The following ELL2 variants were observed in gnomAD, a reference collection of about 807,000 sequenced individuals.
ELL2 encodes elongation factor for RNA polymerase II 2, also known as RNA polymerase II elongation factor ELL2.
In ELL2, 21 loss-of-function variants were observed where a neutral mutation model predicts 72.8. That is an observed-to-expected ratio of 0.29 (90% CI 0.20 to 0.42). The LOEUF is 0.42. Among genes scored for constraint, ELL2 ranks in the 10% least tolerant of loss-of-function variants. The pLI is 1.00. For synonymous variants in ELL2, 266 were observed against 283.2 expected, an observed-to-expected ratio of 0.94 and a Z score of 0.61; for missense variants, 568 against 772.8, an observed-to-expected ratio of 0.73 and a Z score of 3.14.
Position 95,887,322 on chromosome 5 carries a change from C to CGAGA in ELL2, c.*1548_*1549insTCTC, listed in dbSNP as rs2112259570. The CGAGA allele has an allele frequency of 6.5e-6, 1 of 152,734 alleles. No individual in the cohort carries two copies. The highest frequency in any genetic ancestry group is 2.4e-5 in the African/African-American group (1 of 41,578). 9.5% of individuals were successfully genotyped at this position (152,734 alleles called of 1,614,324 possible). ...CCAAAGAGAAAAGTTAATCTACATGCTCTCTCAAGTTTTCTAGATAACCAA... is the reference window on the plus strand; with the variant it reads ...CCAAAGAGAAAAGTTAATCTACATGCGAGATCTCTCAAGTTTTCTAGATAACCAA... On this transcript the variant is annotated 3_prime_UTR_variant, in exon 12 of 12. Transcript: ENST00000237853.
chr5:95,896,618 A>C (rs945864327), intron 8 of ELL2, among the ~76,000 whole-genome samples: 11 of 152,216 alleles, frequency 7.2e-5, no homozygotes, highest in African/African-American at 2.7e-4. Flanking sequence ...TGCTTTTACG[A>C]TAGTCTGAGT....
intron 1 of ELL2, among the ~76,000 whole-genome samples, chr5:95,956,084 A>G (rs949874216): frequency 2.3e-4 from 35 of 152,194 alleles, no homozygotes; most frequent in Admixed American, 6.5e-5. Context: ...TGTCCTTGGT[A>G]AGCTTTTCTG....
intron 2 of ELL2, among the ~76,000 whole-genome samples, chr5:95,925,391 T>C (rs1043043365): frequency 2.0e-5 from 3 of 152,220 alleles, no homozygotes; most frequent in African/African-American, 7.2e-5. Context: ...ACCCCTGTAC[T>C]ACAAATCCGA....
intron 3 of ELL2, 108 bp from the exon 4 acceptor site, chr5:95,914,042 C>T: frequency 1.1e-6 from 1 of 892,914 alleles, no homozygotes. Flanking sequence ...AGTTTGCAAT[C>T]CTAAAATAAC....
At chr5:95,930,852 A>T (rs1750570940) in intron 2 of ELL2, among the ~76,000 whole-genome samples, 2 of 152,228 alleles carry the variant, frequency 1.3e-5, no homozygotes, top group Admixed American at 1.3e-4. Flanking sequence ...AATTGTAGTC[A>T]AATCTTAAAT....
chr5:95,951,380 AAAATAAAT>A (rs566594776), intron 1 of ELL2, among the ~76,000 whole-genome samples: 1 of 151,324 alleles, frequency 6.6e-6, no homozygotes, highest in Non-Finnish European at 1.5e-5. Flanking sequence ...AAAATAAAAT[AAAATAAAT>A]AAATAAATAA....
At chr5:95,955,525 A>G (rs1371280680) in intron 1 of ELL2, among the ~76,000 whole-genome samples, 1 of 152,204 alleles carries the variant, frequency 6.6e-6, no homozygotes, top group African/African-American at 2.4e-5. Context: ...GAAGGAAGGA[A>G]AGAAGGAAGG....
At chr5:95,951,246 G>A (rs148098937) in intron 1 of ELL2, among the ~76,000 whole-genome samples, 5,812 of 151,994 alleles carry the variant, frequency 0.038, 179 homozygotes, top group Admixed American at 0.077. Context: ...GTGGGCGCCT[G>A]TAGCCCCAGC....
rs925285203 is a variant in ELL2, at chr5:95,907,299, T to A, written c.482-517A>T. Among the ~76,000 whole-genome samples the A allele has an allele frequency of 1.6e-4, 24 of 147,680 alleles. 1 individual carries two copies. Among genetic ancestry groups the A allele is most frequent in the East Asian group, 1.4e-3 (7 of 5,092 alleles). ...AGTGATATATATATATATATATATT[T>A]TTTTTTTTTACAGGCCAAGACAAAT... is the stretch of plus-strand genomic sequence containing the variant. On this transcript the variant is annotated intron_variant, in intron 4 of 11. Coordinates refer to ENST00000237853, the MANE Select transcript of ELL2 (RefSeq NM_012081.6).
intron 2 of ELL2, among the ~76,000 whole-genome samples, chr5:95,934,599 G>A (rs1434712840): frequency 6.6e-6 from 1 of 152,186 alleles, no homozygotes; most frequent in Non-Finnish European, 1.5e-5. Context: ...TGGAGAGAGA[G>A]AGATCACAGA....
intron 4 of ELL2, among the ~76,000 whole-genome samples, chr5:95,912,485 A>T (rs924432396): frequency 6.6e-6 from 1 of 151,446 alleles, no homozygotes; most frequent in Non-Finnish European, 1.5e-5. Context: ...ACTTAAATGT[A>T]AGTGTGGTAG....
rs147547198 is a variant in ELL2 at position 95,915,510 on chromosome 5, G to A, written c.318-1576C>T. Among the ~76,000 whole-genome samples, 8 of 152,394 alleles carry A rather than the reference G, an allele frequency of 5.2e-5. No individual in the cohort carries two copies. In the East Asian group the frequency reaches 1.5e-3, roughly 29 times the overall value. On this transcript the variant is annotated intron_variant, in intron 3 of 11. Coordinates refer to ENST00000237853, the MANE Select transcript of ELL2 (RefSeq NM_012081.6). ...CATAAATATTTATTGGGCAGGGACTGCATGCCTAGCAATGTGTGAAGCAGA... is the reference window on the plus strand; with the variant it reads ...CATAAATATTTATTGGGCAGGGACTACATGCCTAGCAATGTGTGAAGCAGA...
Position 95,927,807 on chromosome 5 carries a change from A to G in ELL2, c.196-8262T>C, listed in dbSNP as rs555489576. On this transcript the variant is annotated intron_variant, in intron 2 of 11. Coordinates refer to ENST00000237853, the MANE Select transcript of ELL2 (RefSeq NM_012081.6). The stretch of plus-strand genomic sequence containing the variant: ...TGTATATAGACATACACACACACAT[A>G]TGTGTGTATATAGACATACACACAC... Among the ~76,000 whole-genome samples, 396 of 102,440 alleles carry G rather than the reference A, an allele frequency of 3.9e-3. 73 individuals carry two copies. Among genetic ancestry groups the G allele is most frequent in the Middle Eastern group, 0.02 (4 of 202 alleles). 67.2% of individuals were successfully genotyped at this position (102,440 alleles called of 152,430 possible).
In ELL2 at chr5:95,887,588, C is replaced by T. The variant is rs1300431727; in HGVS notation, c.*1283G>A. On this transcript the variant is annotated 3_prime_UTR_variant, in exon 12 of 12. Transcript: ENST00000237853. ...TATTTTTGACCACATAACTTATGTTCCCACATGATAAAACAAGTGACAGTT... is the reference window on the plus strand; with the variant it reads ...TATTTTTGACCACATAACTTATGTTTCCACATGATAAAACAAGTGACAGTT... 3 of 152,532 alleles carry T rather than the reference C, an allele frequency of 2.0e-5. No individual in the cohort carries two copies. Among genetic ancestry groups the T allele is most frequent in the Non-Finnish European group, 2.9e-5 (2 of 68,008 alleles). 9.4% of individuals were successfully genotyped at this position (152,532 alleles called of 1,614,324 possible).
intron 5 of ELL2, among the ~76,000 whole-genome samples, chr5:95,904,030 A>G (rs970852596): frequency 1.3e-5 from 2 of 151,790 alleles, no homozygotes; most frequent in Admixed American, 6.6e-5. Flanking sequence ...TCTCTCCTCT[A>G]CTCCTGCCCC....
At chr5:95,957,512 A>C (rs572027243) in intron 1 of ELL2, among the ~76,000 whole-genome samples, 2 of 152,328 alleles carry the variant, frequency 1.3e-5, no homozygotes, top group Middle Eastern at 3.4e-3. Flanking sequence ...ATCATGTCTA[A>C]ATTTTTCTGC....
intron 4 of ELL2, 140 bp downstream of exon 4, chr5:95,913,631 G>T: frequency 2.1e-6 from 2 of 941,712 alleles, no homozygotes; most frequent in Non-Finnish European, 3.0e-6. Flanking sequence ...AAATAACTTT[G>T]TTTTTCTCAC....
At chr5:95,914,299 T>C (rs969121694) in intron 3 of ELL2, among the ~76,000 whole-genome samples, 1 of 152,280 alleles carries the variant, frequency 6.6e-6, no homozygotes, top group African/African-American at 2.4e-5. Context: ...TTAAAAAGTT[T>C]AGTTTTAGTA....
intron 4 of ELL2, among the ~76,000 whole-genome samples, chr5:95,907,947 T>C (rs1468689920): frequency 1.3e-5 from 2 of 152,204 alleles, no homozygotes; most frequent in African/African-American, 4.8e-5. Flanking sequence ...CCAGGCCTGG[T>C]CAGAAGGCCT....
Sources: allele counts gnomAD v4.1 joint callset (sites outside exome capture counted in the v4.1 genomes callset), GRCh38; gene constraint gnomAD v4.1.1; transcripts MANE v1.5; gene names NCBI Gene and HGNC (gene_info 2026-07-23, HGNC 2026-07-21).